The following PRKCE variants were observed in gnomAD, a reference collection of about 807,000 sequenced individuals.
PRKCE encodes protein kinase C epsilon type.
PRKCE carries 16 observed loss-of-function variants against 85.4 expected under a neutral mutation model. That is an observed-to-expected ratio of 0.19 (90% CI 0.13 to 0.28). The LOEUF (loss-of-function observed/expected upper bound fraction) is 0.28. PRKCE is among the 10% of genes least tolerant of loss of function. PRKCE has a pLI of 1.00. For missense variants in PRKCE, 573 were observed against 975.2 expected, an observed-to-expected ratio of 0.59 and a Z score of 5.49; for synonymous variants, 388 against 371.5, an observed-to-expected ratio of 1.04 and a Z score of -0.51.
intron 2 of PRKCE, among the ~76,000 whole-genome samples, chr2:45,863,442 G>T (rs1693330167): frequency 6.6e-6 from 1 of 152,030 alleles, no homozygotes; most frequent in African/African-American, 2.4e-5. Flanking sequence ...GATGAATCAG[G>T]ACCCCAAACA....
chr2:45,963,539 C>T (rs898603819), intron 2 of PRKCE, among the ~76,000 whole-genome samples: 5 of 152,192 alleles, frequency 3.3e-5, no homozygotes, highest in African/African-American at 7.2e-5. Context: ...GAACTCCTGA[C>T]CTCAGGTGAT....
intron 1 of PRKCE, among the ~76,000 whole-genome samples, chr2:45,791,085 G>A (rs1208773119): frequency 1.3e-5 from 2 of 152,238 alleles, no homozygotes; most frequent in East Asian, 1.9e-4. Context: ...CTTTGGTGAA[G>A]AAGGGAAGGT....
intron 1 of PRKCE, among the ~76,000 whole-genome samples, chr2:45,783,206 C>G (rs756873926): frequency 3.3e-5 from 5 of 152,134 alleles, no homozygotes; most frequent in Non-Finnish European, 5.9e-5. Flanking sequence ...AGCTCCTTTA[C>G]GCACAGCCAT....
chr2:46,075,564 T>C (rs1351872840), intron 10 of PRKCE, among the ~76,000 whole-genome samples: 1 of 151,558 alleles, frequency 6.6e-6, no homozygotes, highest in Non-Finnish European at 1.5e-5. Flanking sequence ...CTGGGCAACA[T>C]AACAAAACCC....
intron 1 of PRKCE, among the ~76,000 whole-genome samples, chr2:45,666,427 G>A (rs1675915345): frequency 6.6e-6 from 1 of 151,796 alleles, no homozygotes; most frequent in African/African-American, 2.4e-5. Flanking sequence ...TGTGTGGTTT[G>A]CACCTCCCCG....
chr2:45,900,550 G>C (rs888082336), intron 2 of PRKCE, among the ~76,000 whole-genome samples: 1 of 152,182 alleles, frequency 6.6e-6, no homozygotes, highest in Non-Finnish European at 1.5e-5. Context: ...ACTTACATGA[G>C]GTCCTAGAAT....
intron 14 of PRKCE, among the ~76,000 whole-genome samples, chr2:46,160,947 G>C (rs1209315160): frequency 6.6e-6 from 1 of 152,352 alleles, no homozygotes; most frequent in East Asian, 1.9e-4. Flanking sequence ...ATCCCCGGAT[G>C]CTTGGTCCCG....
At chr2:46,006,014 C>T (rs902372439) in intron 8 of PRKCE, among the ~76,000 whole-genome samples, 1 of 152,138 alleles carries the variant, frequency 6.6e-6, no homozygotes, top group East Asian at 1.9e-4. Flanking sequence ...CTGGCTCCTG[C>T]CCTGCATGCT....
chr2:45,839,264 C>G (rs1691152414), intron 1 of PRKCE, among the ~76,000 whole-genome samples: 2 of 152,074 alleles, frequency 1.3e-5, no homozygotes, highest in Non-Finnish European at 2.9e-5. Context: ...CCTGAGGTCA[C>G]TCAGCTGATA....
At chr2:45,702,305 C>G (rs1239647518) in intron 1 of PRKCE, among the ~76,000 whole-genome samples, 1 of 152,166 alleles carries the variant, frequency 6.6e-6, no homozygotes, top group African/African-American at 2.4e-5. Context: ...GGTAAGGAGG[C>G]TTTAGTGTTG....
rs1667851022 is a variant in PRKCE, at chr2:46,068,998, T to C, written c.1438-17210T>C. ...GACCTGCAGAATCAGAATATTTGGG[T>C]GTGGAGTCCAGGAATTATGCTATAA... On this transcript the variant is annotated intron_variant, in intron 10 of 14. Coordinates refer to ENST00000306156, the MANE Select transcript of PRKCE (RefSeq NM_005400.3). This position sits in a 1 kb window ranked among gnomAD's most constrained non-coding sequence, Gnocchi z 4.3. 6.6e-6 allele frequency among the ~76,000 whole-genome samples: 1 copy of C among 152,150 alleles called. No individual in the cohort carries two copies. Among genetic ancestry groups the C allele is most frequent in the Non-Finnish European group, 1.5e-5 (1 of 68,008 alleles).
At chr2:45,963,268 C>G (rs1701500817) in intron 2 of PRKCE, among the ~76,000 whole-genome samples, 2 of 152,114 alleles carry the variant, frequency 1.3e-5, no homozygotes, top group Admixed American at 1.3e-4. Flanking sequence ...TAGGTAATTA[C>G]CAGCTCAGAC....
chr2:46,132,400 C>A (rs1336617490), intron 11 of PRKCE, among the ~76,000 whole-genome samples: 1 of 152,162 alleles, frequency 6.6e-6, no homozygotes, highest in Non-Finnish European at 1.5e-5. Context: ...TCAGCATGCA[C>A]GAGCTGAACT....
chr2:45,689,158 A>G (rs534302676), intron 1 of PRKCE, among the ~76,000 whole-genome samples: 1 of 152,356 alleles, frequency 6.6e-6, no homozygotes, highest in East Asian at 1.9e-4. Flanking sequence ...GAGGGACTTA[A>G]GCACAGCTCT....
chr2:46,153,274 T>C (rs1044799440), intron 13 of PRKCE, among the ~76,000 whole-genome samples: 2 of 152,210 alleles, frequency 1.3e-5, no homozygotes, highest in African/African-American at 4.8e-5. Context: ...CATGCATTCA[T>C]TTATTAAACA....
chr2:45,907,316 A>G lies in PRKCE; in HGVS notation c.412+64253A>G, dbSNP rs1697054537. Among the ~76,000 whole-genome samples the G allele has an allele frequency of 6.6e-6, 1 of 152,232 alleles. No individual in the cohort carries two copies. Among genetic ancestry groups the G allele is most frequent in the Non-Finnish European group, 1.5e-5 (1 of 68,034 alleles). On this transcript the variant is annotated intron_variant, in intron 2 of 14. Transcript: ENST00000306156. This position sits in a 1 kb window ranked among gnomAD's most constrained non-coding sequence, Gnocchi z 4.5. The stretch of plus-strand genomic sequence containing the variant: ...CCCTATTGAGTGACTTTCAGGAATG[A>G]GAGGCAGGCAAATTGGATATTGAGG...
rs377314378 is a variant in PRKCE, at chr2:45,668,201, G to A, written c.348+15753G>A. 2.2e-4 allele frequency among the ~76,000 whole-genome samples: 33 copies of A among 152,162 alleles called. No individual in the cohort carries two copies. The South Asian group carries it at 6.8e-3, about 32-fold the overall frequency. On this transcript the variant is annotated intron_variant, in intron 1 of 14. Transcript: ENST00000306156. ...ACTAAAAATACAAAAATTAGCCGGG[G>A]ATGGTGGTGAGCGCCTGTACTCTCA...
chr2:46,167,344 G>A (rs1189959533), intron 14 of PRKCE, among the ~76,000 whole-genome samples: 1 of 152,180 alleles, frequency 6.6e-6, no homozygotes, highest in Non-Finnish European at 1.5e-5. Context: ...GAAATGAGTA[G>A]CACAGTGCCT....
At chr2:45,677,916 G>A (rs922228026) in intron 1 of PRKCE, 4 of 984,692 alleles carry the variant, frequency 4.1e-6, no homozygotes, top group Non-Finnish European at 4.8e-6. Flanking sequence ...AGTGGGAACC[G>A]GTAGGAGCAT....
Sources: allele counts gnomAD v4.1 joint callset (sites outside exome capture counted in the v4.1 genomes callset), GRCh38; gene constraint gnomAD v4.1.1; non-coding constraint Gnocchi (gnomAD v3.1); transcripts MANE v1.5; gene names NCBI Gene and HGNC (gene_info 2026-07-23, HGNC 2026-07-21).